CHMP2B: variants seen among roughly 807,000 people sequenced by gnomAD.
CHMP2B encodes charged multivesicular body protein 2B.
A neutral mutation model predicts 29.8 loss-of-function variants in CHMP2B; 22 were observed. The ratio of observed to expected loss-of-function variants is 0.74; its 90% CI spans 0.53 to 1.05. The LOEUF is 1.05. Ranked by LOEUF, CHMP2B falls within the 50% of genes least tolerant of loss-of-function variation. CHMP2B has a pLI of 0.00. For synonymous variants in CHMP2B, 78 were observed against 75.8 expected (o/e 1.03, Z -0.15); for missense variants, 261 against 252.2 (o/e 1.03, Z -0.24).
chr3:87,245,009 T>G (rs1315700084), intron 2 of CHMP2B, among the ~76,000 whole-genome samples: 1 of 152,194 alleles, frequency 6.6e-6, no homozygotes, highest in African/African-American at 2.4e-5. Context: ...TTTTATTAGG[T>G]ACATACACAT....
At chr3:87,246,407 G>A (rs1706214718) in intron 3 of CHMP2B, among the ~76,000 whole-genome samples, 1 of 152,116 alleles carries the variant, frequency 6.6e-6, no homozygotes, top group South Asian at 2.1e-4. Context: ...AAATTGCTGG[G>A]ATTACAGACA....
At chr3:87,246,201 G>C (rs1706210701) in intron 3 of CHMP2B, among the ~76,000 whole-genome samples, 1 of 151,796 alleles carries the variant, frequency 6.6e-6, no homozygotes, top group Non-Finnish European at 1.5e-5. Context: ...GCAGTGGCAA[G>C]ATTTTGGCTC....
chr3:87,231,907 C>T (rs1046281718), intron 1 of CHMP2B, among the ~76,000 whole-genome samples: 1 of 152,120 alleles, frequency 6.6e-6, no homozygotes, highest in Non-Finnish European at 1.5e-5. Context: ...ATAGTAGACC[C>T]TCCTGCACTT....
chr3:87,253,624 A>G, intron 5 of CHMP2B, 88 bp from the exon 6 acceptor site: 1 of 1,376,616 alleles, frequency 7.3e-7, no homozygotes, highest in East Asian at 2.3e-5. Context: ...TCAAAAGTAA[A>G]TTAAACAGAC....
At chr3:87,252,421 A>G (rs1031218663) in intron 4 of CHMP2B, among the ~76,000 whole-genome samples, 3 of 151,802 alleles carry the variant, frequency 2.0e-5, no homozygotes, top group African/African-American at 7.2e-5. Flanking sequence ...CTTAAATAAC[A>G]ACCAAACAGA....
chr3:87,249,255 C>A (rs1474532249), intron 3 of CHMP2B, among the ~76,000 whole-genome samples: 1 of 152,048 alleles, frequency 6.6e-6, no homozygotes, highest in Non-Finnish European at 1.5e-5. Flanking sequence ...GTCGTATATG[C>A]TGTGGGTAAT....
chr3:87,235,449 T>C (rs1473837936), intron 1 of CHMP2B, among the ~76,000 whole-genome samples: 1 of 152,238 alleles, frequency 6.6e-6, no homozygotes, highest in African/African-American at 2.4e-5. Flanking sequence ...TGTTTTAGTA[T>C]GTAACATTAG....
At chr3:87,253,382 C>T in intron 4 of CHMP2B, 22 bp from the exon 5 acceptor site, 1 of 1,379,558 alleles carries the variant, frequency 7.2e-7, no homozygotes, top group South Asian at 1.2e-5. Flanking sequence ...AACTGCTTTG[C>T]TCCTTCTCCC....
chr3:87,255,482 ATTG>A lies in CHMP2B; in HGVS notation c.*1666_*1668del, dbSNP rs930323421. 3.0e-4 allele frequency: 45 copies of A among 152,502 alleles called. No individual in the cohort carries two copies. Among genetic ancestry groups the A allele is most frequent in the African/African-American group, 1.1e-3 (44 of 41,530 alleles). 9.4% of individuals were successfully genotyped at this position (152,502 alleles called of 1,614,324 possible). The stretch of plus-strand genomic sequence containing the variant: ...TAAAAAATCTCAATAAAGATTTATT[ATTG>A]TTGTTCTTTTCTTACCTTTTTTGCT... On this transcript the variant is annotated 3_prime_UTR_variant, in exon 6 of 6. Transcript: ENST00000263780.
intron 5 of CHMP2B, 35 bp from the exon 6 acceptor site, chr3:87,253,677 T>A (rs1381855044): frequency 6.4e-7 from 1 of 1,558,162 alleles, no homozygotes; most frequent in Non-Finnish European, 8.8e-7. Context: ...AAATGTTTCC[T>A]AATGCACGTT....
chr3:87,246,154 T>C (rs2106908879), intron 3 of CHMP2B, among the ~76,000 whole-genome samples: 1 of 152,174 alleles, frequency 6.6e-6, no homozygotes, highest in South Asian at 2.1e-4. Context: ...TCTTTTTTTT[T>C]TGAGATGGAG....
intron 1 of CHMP2B, among the ~76,000 whole-genome samples, chr3:87,238,418 A>G (rs1706053813): frequency 1.3e-5 from 2 of 152,122 alleles, no homozygotes; most frequent in Admixed American, 6.5e-5. Context: ...AAACATTTTC[A>G]TCACCTTAGA....
chr3:87,227,484 A>ACCGGGCCGAG lies in CHMP2B; in HGVS notation c.-30_-21dup, dbSNP rs746915597. The ACCGGGCCGAG allele has an allele frequency of 4.3e-5, 70 of 1,613,536 alleles. No individual in the cohort carries two copies. The highest frequency in any genetic ancestry group is 6.6e-5 in the South Asian group (6 of 91,068). ...CTGTCCTTTGCCAGCGTTGGGCCGGACCGGGCCGAGCCGGGCCGCCCGGGC... is the reference window on the plus strand; with the variant it reads ...CTGTCCTTTGCCAGCGTTGGGCCGGACCGGGCCGAGCCGGGCCGAGCCGGGCCGCCCGGGC... On this transcript the variant is annotated 5_prime_UTR_variant, in exon 1 of 6. Transcript: ENST00000263780.
chr3:87,246,695 C>T (rs907571108), intron 3 of CHMP2B, among the ~76,000 whole-genome samples: 3 of 152,160 alleles, frequency 2.0e-5, no homozygotes, highest in Admixed American at 6.5e-5. Flanking sequence ...CACACACAAA[C>T]ACATTTTTCT....
chr3:87,247,616 A>C (rs1036173865), intron 3 of CHMP2B, among the ~76,000 whole-genome samples: 1 of 152,232 alleles, frequency 6.6e-6, no homozygotes, highest in Non-Finnish European at 1.5e-5. Context: ...ACAGATGAGC[A>C]TTAAAACACT....
intron 1 of CHMP2B, 71 bp downstream of exon 1, chr3:87,227,627 C>T: frequency 1.9e-6 from 3 of 1,587,110 alleles, no homozygotes; most frequent in Non-Finnish European, 2.6e-6. Flanking sequence ...CTGCTGGCCG[C>T]GATTCTGCCT....
rs999304913 is a variant in CHMP2B, at chr3:87,245,897, A to G, written c.310A>G (p.Thr104Ala). 3 of 1,611,116 alleles carry G rather than the reference A, an allele frequency of 1.9e-6. No homozygotes were observed. The African/African-American group carries it at 4.0e-5, about 22-fold the overall frequency. Residue 104 changes from threonine to alanine, a missense_variant, in exon 3 of 6, where the codon ACT becomes GCT. Thr to Ala is a moderately conservative substitution (Grantham distance 58). Coordinates refer to ENST00000263780, the MANE Select transcript of CHMP2B (RefSeq NM_014043.4). ...AATGAAGATGGCTGGAGCAATGTCTACTACAGCAAAAGTAAGTGAGAGCTT... is the reference window on the plus strand; with the variant it reads ...AATGAAGATGGCTGGAGCAATGTCTGCTACAGCAAAAGTAAGTGAGAGCTT... ...SQMKMAGAMS[T>A]TAKTMQAVNK...
chr3:87,248,516 C>G (rs1381589395), intron 3 of CHMP2B, among the ~76,000 whole-genome samples: 1 of 151,686 alleles, frequency 6.6e-6, no homozygotes, highest in East Asian at 2.0e-4. Flanking sequence ...GCTACCATGC[C>G]TGGCTAATTT....
chr3:87,240,728 C>T lies in CHMP2B; in HGVS notation c.64C>T (p.Arg22Ter), dbSNP rs138886714. 246 of 1,612,998 alleles carry T rather than the reference C, an allele frequency of 1.5e-4. No individual in the cohort carries two copies. The highest frequency in any genetic ancestry group is 3.8e-5 in the Non-Finnish European group (45 of 1,179,328). The part of the protein sequence containing the change: ...DVIKEQNREL[R>*]GTQRAIIRDR... The stretch of plus-strand genomic sequence containing the variant: ...AATAAAGGAACAGAATCGAGAGTTA[C>T]GAGGTACACAGAGGGCTATAATCAG... Residue 22 changes from arginine (R) to a stop codon, truncating the protein, a stop_gained, in exon 2 of 6, where the codon CGA becomes TGA. Coordinates refer to ENST00000263780, the MANE Select transcript of CHMP2B (RefSeq NM_014043.4). LOFTEE classifies it high-confidence loss of function.
Sources: gnomAD v4.1 joint callset for allele counts (sites outside exome capture counted in the v4.1 genomes callset) on GRCh38, gnomAD v4.1.1 for gene constraint, MANE v1.5 for transcripts, NCBI Gene and HGNC (gene_info 2026-07-23, HGNC 2026-07-21) for gene names.